The following DENND1A variants were observed in gnomAD, a reference collection of about 807,000 sequenced individuals.
DENND1A encodes the protein DENN domain-containing protein 1A.
Under a neutral mutation model 113.7 loss-of-function variants are expected in DENND1A, and 51 were observed. The ratio of observed to expected loss-of-function variants is 0.45; its 90% CI spans 0.36 to 0.57. The LOEUF is 0.57. Among genes scored for constraint, DENND1A ranks in the 20% least tolerant of loss-of-function variants. The pLI, the probability that DENND1A is intolerant of heterozygous loss-of-function variation, is 0.00. For synonymous variants in DENND1A, 565 were observed against 570.8 expected, an observed-to-expected ratio of 0.99 and a Z score of 0.14; for missense variants, 1,258 against 1,395.9, an observed-to-expected ratio of 0.90 and a Z score of 1.57.
intron 2 of DENND1A, among the ~76,000 whole-genome samples, chr9:123,849,289 A>G (rs1843021535): frequency 6.6e-6 from 1 of 152,172 alleles, no homozygotes. Context: ...ACCATTCTGA[A>G]AATCCTAAGG....
chr9:123,506,238 T>C (rs1216100646), intron 13 of DENND1A, among the ~76,000 whole-genome samples: 2 of 152,164 alleles, frequency 1.3e-5, no homozygotes, highest in African/African-American at 4.8e-5. Context: ...GAGGATTAAA[T>C]GAGTAATATG....
chr9:123,392,542 GTGAGGCTAGGTCC>G (rs2042911880), intron 21 of DENND1A, among the ~76,000 whole-genome samples: 2 of 152,150 alleles, frequency 1.3e-5, no homozygotes, highest in Admixed American at 1.3e-4. Flanking sequence ...AGCCCCCAGG[GTGAGGCTAGGTCC>G]TGCCTGTCCG....
intron 3 of DENND1A, among the ~76,000 whole-genome samples, chr9:123,773,397 G>A (rs534876015): frequency 1.3e-4 from 20 of 152,164 alleles, no homozygotes; most frequent in East Asian, 1.9e-4. Flanking sequence ...ATTCTCATCC[G>A]GTCAGAAGGC....
At chr9:123,890,152 T>G (rs1849690020) in intron 1 of DENND1A, among the ~76,000 whole-genome samples, 1 of 152,112 alleles carries the variant, frequency 6.6e-6, no homozygotes, top group South Asian at 2.1e-4. Flanking sequence ...TGTTTTACAG[T>G]AAGGGAAACT....
chr9:123,880,753 C>T (rs765974550), intron 1 of DENND1A, among the ~76,000 whole-genome samples: 1 of 152,124 alleles, frequency 6.6e-6, no homozygotes, highest in Non-Finnish European at 1.5e-5. Flanking sequence ...TGGCCAGGAC[C>T]AGAACTCATG....
chr9:123,550,035 C>T (rs1215500153), intron 13 of DENND1A, among the ~76,000 whole-genome samples: 3 of 152,236 alleles, frequency 2.0e-5, no homozygotes, highest in Non-Finnish European at 4.4e-5. Context: ...CCTGCTCCAA[C>T]ACAACCTCGT....
intron 13 of DENND1A, chr9:123,491,950 G>C (rs1432278324): frequency 6.6e-6 from 1 of 152,244 alleles, no homozygotes; most frequent in Non-Finnish European, 1.5e-5. Flanking sequence ...CTACCTTACG[G>C]GAGAGGGACA....
At chr9:123,447,995 C>T (rs1469680378) in intron 18 of DENND1A, among the ~76,000 whole-genome samples, 1 of 152,022 alleles carries the variant, frequency 6.6e-6, no homozygotes, top group Non-Finnish European at 1.5e-5. Flanking sequence ...TCTGTACGAC[C>T]GAAGGGGGGA....
intron 10 of DENND1A, among the ~76,000 whole-genome samples, chr9:123,620,239 G>GAAAAAAT (rs1683947175): frequency 9.4e-6 from 1 of 106,644 alleles, no homozygotes; most frequent in African/African-American, 3.9e-5. Flanking sequence ...AAAAAAAAAA[G>GAAAAAAT]AAAAGAAAAA....
At chr9:123,457,099 G>A (rs947581269) in intron 15 of DENND1A, among the ~76,000 whole-genome samples, 2 of 152,162 alleles carry the variant, frequency 1.3e-5, no homozygotes, top group Non-Finnish European at 2.9e-5. Flanking sequence ...GACCACGCTG[G>A]CTACTACTTT....
intron 13 of DENND1A, among the ~76,000 whole-genome samples, chr9:123,474,724 G>A (rs916485950): frequency 6.6e-6 from 1 of 152,174 alleles, no homozygotes; most frequent in African/African-American, 2.4e-5. Context: ...CTGTAAAATG[G>A]GAATCATTGT....
chr9:123,914,318 C>A (rs181600965), intron 1 of DENND1A, among the ~76,000 whole-genome samples: 99 of 151,916 alleles, frequency 6.5e-4, no homozygotes, highest in African/African-American at 2.3e-3. Context: ...GTGGGTGGAT[C>A]ACGAGGTCAG....
In DENND1A at chr9:123,630,459, G is replaced by A. The variant is rs754612147; in HGVS notation, c.636C>T (p.His212=). The A allele has an allele frequency of 1.1e-5, 18 of 1,590,312 alleles. No homozygotes were observed. Among genetic ancestry groups the A allele is most frequent in the Admixed American group, 8.9e-5 (5 of 56,258 alleles). The change falls in exon 10 of 24, where the codon CAC becomes CAT. Residue 212 remains histidine, a synonymous_variant. Transcript: ENST00000394215. ...SKLSTLTACI[H]GSAAMLYPMY... ...TGGGGTAGAGCATCGCCGCAGACCC[G>A]TGGATGCAGGCAGTCAGCTGGAACA...
chr9:123,455,298 GCTCCGAGGCAGCCGTGCCACT>G (rs1475047374), intron 15 of DENND1A, among the ~76,000 whole-genome samples: 2 of 152,160 alleles, frequency 1.3e-5, no homozygotes, highest in African/African-American at 4.8e-5. Context: ...TGGAGGTCAG[GCTCCGAGGCAGCCGTGCCACT>G]CTCCTCCAGT....
intron 13 of DENND1A, among the ~76,000 whole-genome samples, chr9:123,521,112 T>C (rs1039817540): frequency 6.6e-5 from 10 of 152,160 alleles, no homozygotes; most frequent in African/African-American, 2.4e-4. Context: ...CGAGACACAT[T>C]ACCAAGACGC....
intron 9 of DENND1A, among the ~76,000 whole-genome samples, chr9:123,633,105 G>A (rs868172296): frequency 2.6e-5 from 4 of 151,890 alleles, no homozygotes; most frequent in African/African-American, 9.7e-5. Context: ...ACGGGGTTTC[G>A]CCATGTTGGC....
At chr9:123,391,473 G>A (rs570544271) in intron 21 of DENND1A, among the ~76,000 whole-genome samples, 19 of 152,304 alleles carry the variant, frequency 1.2e-4, no homozygotes, top group African/African-American at 4.6e-4. Flanking sequence ...CACTTGCCCA[G>A]GGTCACACAG....
intron 5 of DENND1A, among the ~76,000 whole-genome samples, chr9:123,696,932 T>C (rs181218206): frequency 7.2e-5 from 11 of 152,308 alleles, no homozygotes; most frequent in African/African-American, 2.6e-4. Context: ...GTATTCTTTG[T>C]TGATCACTCA....
chr9:123,823,012 T>C (rs1355472771), intron 2 of DENND1A, among the ~76,000 whole-genome samples: 1 of 152,220 alleles, frequency 6.6e-6, no homozygotes, highest in Non-Finnish European at 1.5e-5. Context: ...ACATCAACTC[T>C]ATGAGGCAAG....
Sources: gnomAD v4.1 joint callset for allele counts (sites outside exome capture counted in the v4.1 genomes callset) on GRCh38, gnomAD v4.1.1 for gene constraint, MANE v1.5 for transcripts, NCBI Gene and HGNC (gene_info 2026-07-23, HGNC 2026-07-21) for gene names.